The following ANKS1B variants were observed in gnomAD, a reference collection of about 807,000 sequenced individuals.
The protein encoded by ANKS1B is ankyrin repeat and sterile alpha motif domain-containing protein 1B.
ANKS1B carries 36 observed loss-of-function variants against 148.3 expected under a neutral mutation model. That is an observed-to-expected ratio of 0.24 (90% CI 0.19 to 0.32). The LOEUF (loss-of-function observed/expected upper bound fraction) is 0.32. Among genes scored for constraint, ANKS1B ranks in the 10% least tolerant of loss-of-function variants. The pLI is 1.00. For missense variants in ANKS1B, 1,157 were observed against 1,542.6 expected (o/e 0.75, Z 4.19); for synonymous variants, 542 against 560.8 (o/e 0.97, Z 0.47).
At chr12:99,477,810 T>A (rs890108552) in intron 10 of ANKS1B, among the ~76,000 whole-genome samples, 1 of 152,124 alleles carries the variant, frequency 6.6e-6, no homozygotes, top group East Asian at 1.9e-4. Flanking sequence ...TAAACAGGAA[T>A]ATTCCAGGGA....
chr12:99,227,976 C>T (rs911102800), intron 14 of ANKS1B, among the ~76,000 whole-genome samples: 2 of 151,822 alleles, frequency 1.3e-5, no homozygotes, highest in African/African-American at 2.4e-5. Context: ...CTAGAAGAAC[C>T]TCATTGAAAT....
At chr12:99,523,249 C>T (rs1463582090) in intron 9 of ANKS1B, among the ~76,000 whole-genome samples, 1 of 152,068 alleles carries the variant, frequency 6.6e-6, no homozygotes, top group Non-Finnish European at 1.5e-5. Context: ...TTTCTGTGAA[C>T]ATAAGTGAGG....
At chr12:98,837,874 A>G (rs958523834) in intron 17 of ANKS1B, among the ~76,000 whole-genome samples, 11 of 152,332 alleles carry the variant, frequency 7.2e-5, no homozygotes, top group Middle Eastern at 3.4e-3. Flanking sequence ...AAAAAAGTAA[A>G]TAACATTTTG....
intron 15 of ANKS1B, among the ~76,000 whole-genome samples, chr12:99,133,056 C>A (rs1378869981): frequency 8.5e-6 from 1 of 118,076 alleles, no homozygotes. Flanking sequence ...TTCTTTCTTT[C>A]TTTTTTTTTT....
At chr12:99,390,745 T>C (rs1006092536) in intron 12 of ANKS1B, among the ~76,000 whole-genome samples, 1 of 152,164 alleles carries the variant, frequency 6.6e-6, no homozygotes, top group Non-Finnish European at 1.5e-5. Flanking sequence ...CCACTGATAT[T>C]CCTAAATTAC....
chr12:99,780,130 T>TGCGCACACACACACACACTCACAC (rs2064107398), intron 5 of ANKS1B, among the ~76,000 whole-genome samples, 158 bp from the exon 6 acceptor site: 1 of 150,628 alleles, frequency 6.6e-6, no homozygotes, highest in African/African-American at 2.4e-5. Context: ...CACACACACA[T>TGCGCACACACACACACACTCACAC]GCGCACACAC....
intron 22 of ANKS1B, among the ~76,000 whole-genome samples, chr12:98,785,469 C>CA (rs1025009061): frequency 6.1e-5 from 9 of 148,450 alleles, no homozygotes; most frequent in South Asian, 2.1e-4. Flanking sequence ...GACTCCGTCT[C>CA]AAAAAAAAGA....
chr12:99,667,535 TAA>T (rs1359038861), intron 8 of ANKS1B, among the ~76,000 whole-genome samples: 2 of 152,200 alleles, frequency 1.3e-5, no homozygotes, highest in African/African-American at 4.8e-5. Flanking sequence ...CACCTGTGAA[TAA>T]AGAGTTTTAC....
intron 19 of ANKS1B, among the ~76,000 whole-genome samples, chr12:98,818,809 C>T (rs1485339499): frequency 2.6e-5 from 4 of 152,096 alleles, no homozygotes; most frequent in East Asian, 1.9e-4. Flanking sequence ...AACTGGAGCC[C>T]GACTGTTTGT....
At position 99,807,746 on chromosome 12, in the gene ANKS1B, C is replaced by A. The variant is rs115661506; in HGVS notation, c.373-1046G>T. On this transcript the variant is annotated intron_variant, in intron 3 of 26. Transcript: ENST00000683438. ...AGGCACTGAATAGTTGAATAACTGG[C>A]CTTCCGTTATACAGCCATTTAGTGG... is the stretch of plus-strand genomic sequence containing the variant. Among the ~76,000 whole-genome samples the A allele has an allele frequency of 5.6e-3, 852 of 152,100 alleles. 7 individuals carry two copies. Among genetic ancestry groups the A allele is most frequent in the African/African-American group, 0.019 (799 of 41,486 alleles).
At chr12:99,582,260 G>C (rs770383783) in intron 9 of ANKS1B, among the ~76,000 whole-genome samples, 4 of 151,382 alleles carry the variant, frequency 2.6e-5, no homozygotes, top group Non-Finnish European at 4.4e-5. Flanking sequence ...AATGCAAAAT[G>C]GCTTAGCCAT....
At chr12:99,570,956 T>C (rs149959047) in intron 9 of ANKS1B, among the ~76,000 whole-genome samples, 56 of 152,208 alleles carry the variant, frequency 3.7e-4, no homozygotes, top group Middle Eastern at 3.4e-3. Flanking sequence ...TCTTGCCAAA[T>C]AGTTCCGAAA....
chr12:99,623,725 C>A (rs1598331945), intron 9 of ANKS1B, among the ~76,000 whole-genome samples: 1 of 151,930 alleles, frequency 6.6e-6, no homozygotes, highest in African/African-American at 2.4e-5. Context: ...ATTAGGAAAA[C>A]TATAAAACAC....
At chr12:99,530,062 C>T (rs2153086806) in intron 9 of ANKS1B, among the ~76,000 whole-genome samples, 1 of 152,278 alleles carries the variant, frequency 6.6e-6, no homozygotes, top group Non-Finnish European at 1.5e-5. Context: ...GTTGTAACTA[C>T]TCAGTATTGG....
chr12:99,474,258 C>A (rs558431274), intron 10 of ANKS1B, among the ~76,000 whole-genome samples: 1 of 152,168 alleles, frequency 6.6e-6, no homozygotes, highest in Admixed American at 6.5e-5. Context: ...CTCTCTTCAA[C>A]AGTTTGTATA....
intron 4 of ANKS1B, among the ~76,000 whole-genome samples, chr12:99,804,926 A>C (rs2067397712): frequency 6.6e-6 from 1 of 152,096 alleles, no homozygotes; most frequent in Admixed American, 6.5e-5. Context: ...CATGACAGAG[A>C]AGTGGCAGTC....
At chr12:99,700,496 A>T (rs2054629518) in intron 8 of ANKS1B, among the ~76,000 whole-genome samples, 1 of 152,200 alleles carries the variant, frequency 6.6e-6, no homozygotes, top group Non-Finnish European at 1.5e-5. Context: ...TTTGAGGTGC[A>T]ACAACAAAGC....
intron 19 of ANKS1B, among the ~76,000 whole-genome samples, chr12:98,809,363 G>C (rs2099076131): frequency 6.6e-6 from 1 of 152,178 alleles, no homozygotes; most frequent in African/African-American, 2.4e-5. Context: ...CCATGCGTTA[G>C]CTGGATTACC....
At chr12:99,469,994 C>T (rs932389265) in intron 10 of ANKS1B, among the ~76,000 whole-genome samples, 2 of 151,694 alleles carry the variant, frequency 1.3e-5, no homozygotes, top group African/African-American at 4.8e-5. Context: ...TGGTACAGGC[C>T]TACAGTCCCA....
Sources: gnomAD v4.1 joint callset for allele counts (sites outside exome capture counted in the v4.1 genomes callset) on GRCh38, gnomAD v4.1.1 for gene constraint, MANE v1.5 for transcripts, NCBI Gene and HGNC (gene_info 2026-07-23, HGNC 2026-07-21) for gene names.